The following NUP155 variants were observed in gnomAD, a reference collection of about 807,000 sequenced individuals.
The protein encoded by NUP155 is nucleoporin 155.
A neutral mutation model predicts 180.4 loss-of-function variants in NUP155; 71 were observed. The observed-to-expected ratio is 0.39, with a 90% CI of 0.33 to 0.48. The LOEUF (loss-of-function observed/expected upper bound fraction) is 0.48. NUP155 is among the 20% of genes least tolerant of loss of function. The pLI is 0.91. For missense variants in NUP155, 1,553 were observed against 1,648.9 expected (o/e 0.94, Z 1.01); for synonymous variants, 582 against 559.5 (o/e 1.04, Z -0.57).
intron 33 of NUP155, 26 bp downstream of exon 33, chr5:37,294,303 T>A: frequency 7.0e-7 from 1 of 1,428,780 alleles, no homozygotes; most frequent in South Asian, 1.3e-5. Flanking sequence ...AGAAAATAAT[T>A]TTATGTTATT....
At chr5:37,362,375 G>A (rs1397183859) in intron 3 of NUP155, among the ~76,000 whole-genome samples, 4 of 150,414 alleles carry the variant, frequency 2.7e-5, no homozygotes, top group African/African-American at 7.4e-5. Context: ...CACAACCTCC[G>A]CCTCCCAGGT....
chr5:37,364,848 G>C (rs1437621191), intron 1 of NUP155, among the ~76,000 whole-genome samples: 1 of 151,762 alleles, frequency 6.6e-6, no homozygotes, highest in Non-Finnish European at 1.5e-5. Flanking sequence ...GTGTTAGCCA[G>C]GCTGGTCTTG....
intron 21 of NUP155, among the ~76,000 whole-genome samples, chr5:37,316,780 G>T (rs1477230109): frequency 6.6e-6 from 1 of 151,596 alleles, no homozygotes; most frequent in Non-Finnish European, 1.5e-5. Flanking sequence ...TGACATTTTT[G>T]GGGAAGATGA....
chr5:37,340,744 A>T (rs1745660535), intron 11 of NUP155, among the ~76,000 whole-genome samples: 1 of 152,214 alleles, frequency 6.6e-6, no homozygotes, highest in Non-Finnish European at 1.5e-5. Context: ...ATTATCACAA[A>T]ACAGATCAAA....
intron 11 of NUP155, 112 bp downstream of exon 11, chr5:37,340,973 CTAGTA>C (rs1411874320): frequency 2.3e-6 from 2 of 865,510 alleles, no homozygotes; most frequent in Non-Finnish European, 3.7e-6. Flanking sequence ...CCTGACCCTT[CTAGTA>C]GTTCCCAGTT....
intron 24 of NUP155, among the ~76,000 whole-genome samples, chr5:37,308,910 C>CA (rs1325267763): frequency 7.2e-6 from 1 of 138,862 alleles, no homozygotes; most frequent in Non-Finnish European, 1.6e-5. Context: ...AAGTACATTT[C>CA]AAAAAATAGA....
chr5:37,361,265 C>CAAAAAAAAAAAA (rs35489900), intron 3 of NUP155, among the ~76,000 whole-genome samples: 4 of 78,024 alleles, frequency 5.1e-5, no homozygotes, highest in African/African-American at 2.4e-4. Context: ...GACTCTGTCT[C>CAAAAAAAAAAAA]AAAAAAAAAA....
chr5:37,341,778 G>A (rs999950424), intron 10 of NUP155, among the ~76,000 whole-genome samples: 1 of 152,108 alleles, frequency 6.6e-6, no homozygotes, highest in African/African-American at 2.4e-5. Flanking sequence ...CTGACCTCAG[G>A]ATCCACCCGC....
In NUP155 at chr5:37,358,875, G is replaced by A. The variant is rs559308469; in HGVS notation, c.393-724C>T. 3.9e-4 allele frequency among the ~76,000 whole-genome samples: 60 copies of A among 152,202 alleles called. No individual in the cohort carries two copies. In the South Asian group the frequency reaches 8.1e-3, roughly 21 times the overall value. Reference sequence around the variant, plus strand: ...CTACTAAAATACAAAAAATTAGCCCGGCATGGTGGCGCACGCCTGTGGTCC... The same window carrying A: ...CTACTAAAATACAAAAAATTAGCCCAGCATGGTGGCGCACGCCTGTGGTCC... On this transcript the variant is annotated intron_variant, in intron 3 of 34. Transcript: ENST00000231498.
At chr5:37,370,674 A>C (rs754439206) in intron 1 of NUP155, 147 bp downstream of exon 1, 10 of 1,601,998 alleles carry the variant, frequency 6.2e-6, no homozygotes, top group Non-Finnish European at 8.5e-6. Context: ...ACCTGAAAAG[A>C]AGCTGCTTGC....
intron 8 of NUP155, 22 bp downstream of exon 8, chr5:37,349,150 G>C (rs1318732168): frequency 1.8e-6 from 1 of 551,598 alleles, no homozygotes; most frequent in Non-Finnish European, 3.1e-6. Context: ...ACTCTTAATG[G>C]TATAATAATA....
At chr5:37,347,696 C>CA (rs546371065) in intron 9 of NUP155, among the ~76,000 whole-genome samples, 4,085 of 54,580 alleles carry the variant, frequency 0.075, 211 homozygotes, top group African/African-American at 0.22. Flanking sequence ...AACTCCATCT[C>CA]AAAAAAAAAA....
rs1744740367 is a variant in NUP155, at chr5:37,328,342, CAAAG to C, written c.1876+12_1876+15del. The stretch of plus-strand genomic sequence containing the variant: ...ACTTCAAAATGAATCCAATCCAAAA[CAAAG>C]AAAAGAGGTACCATGAGACGGTGTT... On this transcript the variant is annotated intron_variant, in intron 17 of 34. Transcript: ENST00000231498. The C allele has an allele frequency of 6.3e-7, 1 of 1,587,282 alleles. No individual in the cohort carries two copies. The highest frequency in any genetic ancestry group is 2.2e-5 in the East Asian group (1 of 44,742).
chr5:37,310,040 T>C (rs13166945), intron 23 of NUP155, among the ~76,000 whole-genome samples: 2 of 151,648 alleles, frequency 1.3e-5, no homozygotes, highest in African/African-American at 2.4e-5. Flanking sequence ...ATATTCTTTA[T>C]GAAAAACTTA....
chr5:37,298,814 G>T, intron 32 of NUP155, 54 bp downstream of exon 32: 1 of 925,880 alleles, frequency 1.1e-6, no homozygotes, highest in Non-Finnish European at 1.8e-6. Flanking sequence ...CCATATCAAC[G>T]GAGAAAACCA....
intron 9 of NUP155, among the ~76,000 whole-genome samples, chr5:37,347,145 T>C (rs541184873): frequency 6.4e-4 from 98 of 152,132 alleles, no homozygotes; most frequent in African/African-American, 2.3e-3. Context: ...GGAGAATCGC[T>C]TAAGCCCAGG....
Position 37,337,928 on chromosome 5 carries a change from T to G in NUP155, c.1247-10A>C. The G allele has an allele frequency of 6.9e-7, 1 of 1,439,722 alleles. No homozygotes were observed. The highest frequency in any genetic ancestry group is 9.8e-7 in the Non-Finnish European group (1 of 1,023,060). The allele number at this position is 1,439,722 out of a possible 1,614,324, so 89.2% of individuals were successfully genotyped here. On this transcript the variant is annotated splice_polypyrimidine_tract_variant and intron_variant, in intron 11 of 34. Coordinates refer to ENST00000231498, the MANE Select transcript of NUP155 (RefSeq NM_153485.3). ...GCCATCAATAGAATACCTAAAAGTT[T>G]AATATACAAAATATTATTACATCAT... is the stretch of plus-strand genomic sequence containing the variant.
intron 11 of NUP155, 67 bp from the exon 12 acceptor site, chr5:37,337,985 T>G (rs910698758): frequency 1.4e-4 from 145 of 1,024,894 alleles, no homozygotes; most frequent in Admixed American, 5.1e-4. Context: ...ACCTTAATAA[T>G]TATTAGGTTA....
intron 8 of NUP155, 132 bp from the exon 9 acceptor site, chr5:37,348,728 A>T (rs1395243568): frequency 2.9e-6 from 2 of 690,254 alleles, no homozygotes; most frequent in African/African-American, 3.6e-5. Flanking sequence ...TCGAAATTTC[A>T]TAGAAAGGGG....
Sources: gnomAD v4.1 joint callset for allele counts (sites outside exome capture counted in the v4.1 genomes callset) on GRCh38, gnomAD v4.1.1 for gene constraint, MANE v1.5 for transcripts, NCBI Gene and HGNC (gene_info 2026-07-23, HGNC 2026-07-21) for gene names.